CDH6: variants seen among roughly 807,000 people sequenced by gnomAD.
CDH6 encodes the protein cadherin-6.
A neutral mutation model predicts 78.0 loss-of-function variants in CDH6; 31 were observed. That is an observed-to-expected ratio of 0.40 (90% CI 0.30 to 0.54). The LOEUF (loss-of-function observed/expected upper bound fraction) is 0.54, where lower values mean the gene tolerates loss of function less well. CDH6 is among the 20% of genes least tolerant of loss of function. The pLI is 0.56. For missense variants in CDH6, 724 were observed against 975.9 expected, an observed-to-expected ratio of 0.74 and a Z score of 3.44; for synonymous variants, 376 against 368.8, an observed-to-expected ratio of 1.02 and a Z score of -0.23.
At chr5:31,260,193 C>G (rs1742175576) in intron 1 of CDH6, among the ~76,000 whole-genome samples, 1 of 152,268 alleles carries the variant, frequency 6.6e-6, no homozygotes, top group Non-Finnish European at 1.5e-5. Flanking sequence ...CACATGAATT[C>G]ATTCATTTTT....
At chr5:31,214,607 C>T (rs1483592126) in intron 1 of CDH6, among the ~76,000 whole-genome samples, 1 of 152,160 alleles carries the variant, frequency 6.6e-6, no homozygotes, top group Non-Finnish European at 1.5e-5. Flanking sequence ...AAGAAAATCA[C>T]ATTCGAAGCT....
rs1561063197 is a variant in CDH6, at chr5:31,297,356, T to C, written c.591T>C (p.Val197=). 2 of 1,610,738 alleles carry C rather than the reference T, an allele frequency of 1.2e-6. No individual in the cohort carries two copies. The highest frequency in any genetic ancestry group is 1.7e-6 in the Non-Finnish European group (2 of 1,177,034). The stretch of plus-strand genomic sequence containing the variant: ...CAACATATGGGAACAGTGCTAAAGT[T>C]GTCTACAGTATTCTACAGGGACAGC... The part of the protein sequence containing the change: ...DDPTYGNSAK[V]VYSILQGQPY... Residue 197 remains valine (V), a synonymous_variant, in exon 4 of 12, where the codon GTT becomes GTC. Coordinates refer to ENST00000265071, the MANE Select transcript of CDH6 (RefSeq NM_004932.4).
intron 3 of CDH6, among the ~76,000 whole-genome samples, chr5:31,295,663 G>A (rs528843823): frequency 6.6e-6 from 1 of 152,258 alleles, no homozygotes; most frequent in African/African-American, 2.4e-5. Flanking sequence ...TGGGACAACA[G>A]CATGGGAGCA....
intron 1 of CDH6, among the ~76,000 whole-genome samples, chr5:31,196,895 T>A (rs1233196242): frequency 2.6e-5 from 4 of 152,134 alleles, no homozygotes; most frequent in Non-Finnish European, 5.9e-5. Context: ...TCTAATTTAC[T>A]CAATAACAAT....
At chr5:31,293,164 A>G (rs959462313) in intron 2 of CDH6, among the ~76,000 whole-genome samples, 3 of 152,026 alleles carry the variant, frequency 2.0e-5, no homozygotes, top group African/African-American at 7.2e-5. Context: ...CTTTAGGAGC[A>G]GGGAACTCAC....
intron 1 of CDH6, among the ~76,000 whole-genome samples, chr5:31,202,590 C>T (rs1278063232): frequency 6.6e-6 from 1 of 151,884 alleles, no homozygotes; most frequent in South Asian, 2.1e-4. Context: ...GAGCCCAGAT[C>T]ACGCCATTCT....
At chr5:31,306,333 T>TTAC (rs999100062) in intron 7 of CDH6, among the ~76,000 whole-genome samples, 3 of 152,226 alleles carry the variant, frequency 2.0e-5, no homozygotes, top group African/African-American at 7.2e-5. Context: ...TGTGCTTTCC[T>TTAC]TACACCTTAG....
At chr5:31,300,772 G>C (rs772878461) in intron 5 of CDH6, among the ~76,000 whole-genome samples, 3 of 152,192 alleles carry the variant, frequency 2.0e-5, no homozygotes, top group Non-Finnish European at 4.4e-5. Flanking sequence ...CAAGGCAAGG[G>C]AGGGAGAAGT....
intron 2 of CDH6, among the ~76,000 whole-genome samples, chr5:31,278,813 T>G (rs913125240): frequency 2.0e-5 from 3 of 152,216 alleles, no homozygotes; most frequent in African/African-American, 7.2e-5. Flanking sequence ...TAATCTCATC[T>G]TAATGCTTTC....
At chr5:31,279,277 G>A (rs1411751219) in intron 2 of CDH6, among the ~76,000 whole-genome samples, 2 of 151,992 alleles carry the variant, frequency 1.3e-5, no homozygotes. Context: ...ATATTTTTAA[G>A]AAAATCATGG....
intron 1 of CDH6, among the ~76,000 whole-genome samples, chr5:31,240,017 A>G (rs1375190993): frequency 3.9e-5 from 6 of 152,172 alleles, no homozygotes. Context: ...CAAAAGGGGA[A>G]ATGAATTGGA....
At chr5:31,281,248 T>A (rs1742855418) in intron 2 of CDH6, among the ~76,000 whole-genome samples, 1 of 151,670 alleles carries the variant, frequency 6.6e-6, no homozygotes, top group African/African-American at 2.4e-5. Flanking sequence ...ATATCTCAAA[T>A]GCCTGCATTT....
At chr5:31,263,743 A>G (rs1209440436) in intron 1 of CDH6, among the ~76,000 whole-genome samples, 1 of 152,210 alleles carries the variant, frequency 6.6e-6, no homozygotes, top group Non-Finnish European at 1.5e-5. Context: ...ATGGGGGATT[A>G]AATTTCAACA....
intron 1 of CDH6, among the ~76,000 whole-genome samples, chr5:31,262,996 A>AT (rs1742249593): frequency 6.6e-6 from 1 of 152,132 alleles, no homozygotes; most frequent in South Asian, 2.1e-4. Context: ...CAGCATACTA[A>AT]TTTTTTTCCC....
In CDH6 at chr5:31,246,430, T is replaced by A. The variant is rs73089341; in HGVS notation, c.-128-20916T>A. On this transcript the variant is annotated intron_variant, in intron 1 of 11. Transcript: ENST00000265071. ...AGAACCTACCCTGACTATGTTTCAATTGGGGATGAAGTGGGATGGTCAGGG... is the reference window on the plus strand; with the variant it reads ...AGAACCTACCCTGACTATGTTTCAAATGGGGATGAAGTGGGATGGTCAGGG... 2.2e-3 allele frequency among the ~76,000 whole-genome samples: 332 copies of A among 152,256 alleles called. 1 individual carries two copies. The highest frequency in any genetic ancestry group is 7.9e-3 in the African/African-American group (328 of 41,550).
chr5:31,222,483 T>C (rs751141418), intron 1 of CDH6, among the ~76,000 whole-genome samples: 88 of 152,160 alleles, frequency 5.8e-4, no homozygotes, highest in Non-Finnish European at 1.1e-3. Context: ...ATTAAAACTT[T>C]CCAAAGGAAT....
At chr5:31,319,455 C>A (rs1738419347) in intron 11 of CDH6, among the ~76,000 whole-genome samples, 1 of 152,216 alleles carries the variant, frequency 6.6e-6, no homozygotes, top group Admixed American at 6.5e-5. Flanking sequence ...CTCACCTAAT[C>A]CTCAGCACCA....
intron 1 of CDH6, among the ~76,000 whole-genome samples, chr5:31,238,810 G>A (rs538954303): frequency 6.6e-6 from 1 of 152,090 alleles, no homozygotes; most frequent in Non-Finnish European, 1.5e-5. Context: ...GGAAAGTTTT[G>A]CCTCTTCTCT....
At chr5:31,242,700 A>C (rs1741637039) in intron 1 of CDH6, among the ~76,000 whole-genome samples, 1 of 104,134 alleles carries the variant, frequency 9.6e-6, no homozygotes, top group Admixed American at 8.6e-5. Flanking sequence ...CAGAATAAGA[A>C]TGGGGGGGGG....
Sources: gnomAD v4.1 joint callset for allele counts (sites outside exome capture counted in the v4.1 genomes callset) on GRCh38, gnomAD v4.1.1 for gene constraint, MANE v1.5 for transcripts, NCBI Gene and HGNC (gene_info 2026-07-23, HGNC 2026-07-21) for gene names.